Variants in RAP1A observed in about 807,000 individuals in gnomAD.
RAP1A encodes the protein ras-related protein Rap-1A.
Under a neutral mutation model 26.4 loss-of-function variants are expected in RAP1A, and 6 were observed. That is an observed-to-expected ratio of 0.23 (90% CI 0.12 to 0.45). The LOEUF (loss-of-function observed/expected upper bound fraction) is 0.45, where lower values mean the gene tolerates loss of function less well. RAP1A is among the 20% of genes least tolerant of loss of function. The pLI is 0.99. For missense variants in RAP1A, 121 were observed against 217.2 expected (o/e 0.56, Z 2.78); for synonymous variants, 73 against 79.4 (o/e 0.92, Z 0.43).
chr1:111,580,782 G>A (rs530662840), intron 1 of RAP1A, among the ~76,000 whole-genome samples: 2 of 152,136 alleles, frequency 1.3e-5, no homozygotes, highest in Non-Finnish European at 2.9e-5. Flanking sequence ...GGGAGGCAGA[G>A]GTTGTAATGA....
chr1:111,635,791 C>G (rs547251046), intron 1 of RAP1A, among the ~76,000 whole-genome samples: 5 of 151,984 alleles, frequency 3.3e-5, no homozygotes, highest in African/African-American at 1.2e-4. Context: ...GTCTTGAACT[C>G]CTGACCTCTG....
chr1:111,684,427 A>G (rs764893598), intron 1 of RAP1A, among the ~76,000 whole-genome samples: 25 of 152,250 alleles, frequency 1.6e-4, no homozygotes, highest in Non-Finnish European at 2.9e-4. Flanking sequence ...CCTTAAGCTG[A>G]TAAGCAACTT....
intron 1 of RAP1A, among the ~76,000 whole-genome samples, chr1:111,595,290 T>C (rs1049490910): frequency 2.0e-5 from 3 of 152,174 alleles, no homozygotes; most frequent in African/African-American, 7.2e-5. Context: ...AGGAGGAACC[T>C]ATAGGACAAT....
chr1:111,637,616 A>G (rs1392489948), intron 1 of RAP1A, among the ~76,000 whole-genome samples: 1 of 152,216 alleles, frequency 6.6e-6, no homozygotes, highest in African/African-American at 2.4e-5. Flanking sequence ...CATCTTTCTC[A>G]GTGATGTTCA....
At chr1:111,614,811 T>A (rs1273337101), upstream of RAP1A, among the ~76,000 whole-genome samples, 1 of 152,180 alleles carries the variant, frequency 6.6e-6, no homozygotes, top group Non-Finnish European at 1.5e-5. Flanking sequence ...AAGGTGCCCC[T>A]TATACTGCAA....
At chr1:111,568,108 C>T (rs1389779795) in intron 1 of RAP1A, among the ~76,000 whole-genome samples, 1 of 152,200 alleles carries the variant, frequency 6.6e-6, no homozygotes, top group Non-Finnish European at 1.5e-5. Context: ...GGGCTTTATT[C>T]CTTCCTTCTC....
intron 1 of RAP1A, among the ~76,000 whole-genome samples, chr1:111,585,251 A>T (rs1658341519): frequency 1.3e-5 from 2 of 152,234 alleles, no homozygotes; most frequent in Non-Finnish European, 2.9e-5. Context: ...AGAAAATCAC[A>T]TCAAATAATA....
chr1:111,560,473 C>T (rs1657688113), intron 1 of RAP1A, among the ~76,000 whole-genome samples: 1 of 151,740 alleles, frequency 6.6e-6, no homozygotes. Flanking sequence ...TACACAATAT[C>T]CAATAAATAC....
intron 1 of RAP1A, among the ~76,000 whole-genome samples, chr1:111,599,220 T>C (rs1181815759): frequency 6.6e-6 from 1 of 152,138 alleles, no homozygotes; most frequent in African/African-American, 2.4e-5. Flanking sequence ...GTTGTTGTTT[T>C]TTTGAGATGG....
intron 1 of RAP1A, among the ~76,000 whole-genome samples, 159 bp from the exon 2 acceptor site, chr1:111,691,175 T>C (rs546154672): frequency 2.6e-5 from 4 of 152,364 alleles, no homozygotes; most frequent in Non-Finnish European, 4.4e-5. Flanking sequence ...TATAAACTTA[T>C]GTTAAAATCT....
At chr1:111,559,979 G>T (rs1282242063) in intron 1 of RAP1A, among the ~76,000 whole-genome samples, 1 of 152,182 alleles carries the variant, frequency 6.6e-6, no homozygotes, top group South Asian at 2.1e-4. Context: ...CACACTTCAA[G>T]ATCAAAGGTT....
At chr1:111,675,341 G>A (rs563935418) in intron 1 of RAP1A, among the ~76,000 whole-genome samples, 7 of 152,134 alleles carry the variant, frequency 4.6e-5, no homozygotes, top group Admixed American at 2.6e-4. Context: ...GTGTGGTGGC[G>A]GGCACCTGTA....
chr1:111,693,602 GA>G (rs1661736022), intron 2 of RAP1A, among the ~76,000 whole-genome samples: 1 of 152,138 alleles, frequency 6.6e-6, no homozygotes, highest in Non-Finnish European at 1.5e-5. Flanking sequence ...TAGTAAGAAA[GA>G]AATGAGAAAC....
intron 1 of RAP1A, among the ~76,000 whole-genome samples, chr1:111,551,745 G>T (rs1403924821): frequency 1.2e-5 from 1 of 84,244 alleles, no homozygotes; most frequent in Non-Finnish European, 3.0e-5. Flanking sequence ...TGTGGTTTTT[G>T]GTTTTGTTTT....
chr1:111,667,404 G>A (rs1162834402), intron 1 of RAP1A, among the ~76,000 whole-genome samples: 2 of 152,094 alleles, frequency 1.3e-5, no homozygotes, highest in African/African-American at 4.8e-5. Context: ...TAGATTCATG[G>A]CTGGGCATGG....
intron 1 of RAP1A, among the ~76,000 whole-genome samples, chr1:111,575,758 T>A (rs1269940659): frequency 1.3e-5 from 2 of 152,124 alleles, no homozygotes; most frequent in Non-Finnish European, 2.9e-5. Context: ...CATCTTGGAA[T>A]TCTAGCCTCC....
intron 1 of RAP1A, among the ~76,000 whole-genome samples, chr1:111,621,324 T>G (rs138220674): frequency 7.9e-5 from 12 of 152,316 alleles, no homozygotes; most frequent in African/African-American, 2.6e-4. Context: ...GTAATTTATT[T>G]CTGTGATACT....
At chr1:111,658,271 C>T (rs1429714266) in intron 1 of RAP1A, among the ~76,000 whole-genome samples, 3 of 152,144 alleles carry the variant, frequency 2.0e-5, no homozygotes, top group Admixed American at 2.0e-4. Flanking sequence ...TCACACATCA[C>T]TTAACAACAT....
In RAP1A at chr1:111,655,360, ATTC is replaced by A. The variant is rs541970293; in HGVS notation, c.-28+35429_-28+35431del. Reference sequence around the variant, plus strand: ...AACGGGATAATCAAAAAAAGTGGCTATTCTTAATAAATAGAACAGACTGCTTGA... The same window carrying A: ...AACGGGATAATCAAAAAAAGTGGCTATTAATAAATAGAACAGACTGCTTGA... On this transcript the variant is annotated intron_variant, in intron 1 of 7. Coordinates refer to ENST00000369709, the MANE Select transcript of RAP1A (RefSeq NM_002884.4). Among the ~76,000 whole-genome samples, 204 of 152,228 alleles carry A rather than the reference ATTC, an allele frequency of 1.3e-3. 2 individuals are homozygous for A. The highest frequency in any genetic ancestry group is 4.5e-3 in the African/African-American group (187 of 41,560).
Sources: gnomAD v4.1 joint callset for allele counts (sites outside exome capture counted in the v4.1 genomes callset) on GRCh38, gnomAD v4.1.1 for gene constraint, MANE v1.5 for transcripts, NCBI Gene and HGNC (gene_info 2026-07-23, HGNC 2026-07-21) for gene names.